COL5A1: variants seen among roughly 807,000 people sequenced by gnomAD.
COL5A1 encodes collagen alpha-1(V) chain.
A neutral mutation model predicts 263.7 loss-of-function variants in COL5A1; 16 were observed. That is an observed-to-expected ratio of 0.06 (90% CI 0.04 to 0.09). The LOEUF is 0.09. COL5A1 is among the 10% of genes least tolerant of loss of function. COL5A1 has a pLI of 1.00. For synonymous variants in COL5A1, 1,012 were observed against 1,004.5 expected (o/e 1.01, Z -0.14); for missense variants, 2,036 against 2,540.5 (o/e 0.80, Z 4.27).
intron 1 of COL5A1, among the ~76,000 whole-genome samples, chr9:134,683,098 CG>C (rs888393377): frequency 3.3e-5 from 5 of 152,122 alleles, no homozygotes; most frequent in African/African-American, 1.2e-4. Flanking sequence ...CTGTGAGGGC[CG>C]CCATGAGACG....
intron 11 of COL5A1, among the ~76,000 whole-genome samples, chr9:134,745,519 T>A (rs765357962): frequency 6.6e-6 from 1 of 152,110 alleles, no homozygotes; most frequent in Non-Finnish European, 1.5e-5. Flanking sequence ...AAAGAGCCCC[T>A]CCTGTGGATT....
rs373032507 is a variant in COL5A1, at chr9:134,823,043, A to G, written c.4644+10A>G. The G allele has an allele frequency of 5.0e-6, 8 of 1,613,802 alleles. No homozygotes were observed. The African/African-American group carries it at 9.3e-5, about 19-fold the overall frequency. Reference sequence around the variant, plus strand: ...TGCTAAGGGCTCCTCGGTAAGTAACATGCTGCCCAGCCAGGCCAATGCCTG... The same window carrying G: ...TGCTAAGGGCTCCTCGGTAAGTAACGTGCTGCCCAGCCAGGCCAATGCCTG... On this transcript the variant is annotated intron_variant, in intron 60 of 65. Transcript: ENST00000371817.
At chr9:134,697,665 G>A (rs1041331123) in intron 2 of COL5A1, among the ~76,000 whole-genome samples, 7 of 152,120 alleles carry the variant, frequency 4.6e-5, no homozygotes, top group African/African-American at 1.7e-4. Context: ...CAGGGATCAC[G>A]TGGGGCTGCC....
chr9:134,824,541 A>T, intron 61 of COL5A1, 59 bp from the exon 62 acceptor site: 3 of 1,606,922 alleles, frequency 1.9e-6, no homozygotes, highest in South Asian at 2.2e-5. Context: ...TGCTCTGCTC[A>T]TATCCTGGGA....
chr9:134,815,624 C>G lies in COL5A1; in HGVS notation c.4063C>G (p.Pro1355Ala), dbSNP rs1317324562. The G allele has an allele frequency of 6.2e-7, 1 of 1,613,568 alleles. No individual in the cohort carries two copies. The highest frequency in any genetic ancestry group is 8.5e-7 in the Non-Finnish European group (1 of 1,179,948). Residue 1355 changes from proline to alanine, a missense_variant, in exon 51 of 66, where the codon CCC (proline) becomes GCC (alanine). This residue lies in a region of COL5A1 where 1,078 missense variants were observed against 1,521.4 expected (regional missense o/e 0.71). Coordinates refer to ENST00000371817, the MANE Select transcript of COL5A1 (RefSeq NM_000093.5). ...TCCTGGCCCCCCCGGAGAGCCTGGC[C>G]CCGCGGTAGGTGCTCAAGAGGGCAA... ...GDPGPPGEPG[P>A]AGQDGPPGDK...
intron 1 of COL5A1, among the ~76,000 whole-genome samples, chr9:134,666,965 C>T (rs11103463): frequency 6.6e-6 from 1 of 152,228 alleles, no homozygotes; most frequent in Non-Finnish European, 1.5e-5. Flanking sequence ...GACCCCAGTG[C>T]TGATGACAGG....
chr9:134,698,702 G>A lies in COL5A1; in HGVS notation c.278-1207G>A, dbSNP rs935907537. ...CCTTGCCACAATTTCGCCAGCAGAG[G>A]GTGCTCATGGATAGCCGCCTTGCAG... On this transcript the variant is annotated intron_variant, in intron 2 of 65. Coordinates refer to ENST00000371817, the MANE Select transcript of COL5A1 (RefSeq NM_000093.5). Among the ~76,000 whole-genome samples, 4 of 152,374 alleles carry A rather than the reference G, an allele frequency of 2.6e-5. No individual in the cohort carries two copies. In the East Asian group the frequency reaches 7.7e-4, roughly 29 times the overall value.
rs549652867 is a variant in COL5A1 at position 134,711,199 on chromosome 9, G to A, written c.654+9866G>A. ...CCCTGTGGGCCTGCAGAGTCAGCTC[G>A]GAGGCCAGGTTGGCTCTGTTTCTCC... On this transcript the variant is annotated intron_variant, in intron 4 of 65. Transcript: ENST00000371817. 1.6e-4 allele frequency among the ~76,000 whole-genome samples: 25 copies of A among 152,212 alleles called. No homozygotes were observed. In the East Asian group the frequency reaches 3.3e-3, roughly 20 times the overall value.
intron 8 of COL5A1, 68 bp from the exon 9 acceptor site, chr9:134,732,003 T>G: frequency 6.4e-7 from 1 of 1,567,724 alleles, no homozygotes. Flanking sequence ...GCAGATTTTG[T>G]GTAATCTGGA....
At chr9:134,718,152 G>C (rs1203283976) in intron 4 of COL5A1, among the ~76,000 whole-genome samples, 2 of 152,224 alleles carry the variant, frequency 1.3e-5, no homozygotes, top group Non-Finnish European at 2.9e-5. Context: ...GGTCTCATTA[G>C]CAGAAAAGGC....
chr9:134,669,951 A>G (rs757540332), intron 1 of COL5A1, among the ~76,000 whole-genome samples: 8 of 152,236 alleles, frequency 5.3e-5, no homozygotes, highest in Non-Finnish European at 1.2e-4. Flanking sequence ...TCTTGACTCT[A>G]AAAGGAACGC....
chr9:134,828,603 T>A (rs1164513708), intron 63 of COL5A1, among the ~76,000 whole-genome samples: 1 of 3,858 alleles, frequency 2.6e-4, no homozygotes, highest in Non-Finnish European at 5.2e-4. Context: ...ATCACACAGA[T>A]ACACACCATA....
chr9:134,742,886 G>A lies in COL5A1; in HGVS notation c.1494+4078G>A, dbSNP rs143045177. 4.7e-3 allele frequency among the ~76,000 whole-genome samples: 720 copies of A among 152,328 alleles called. 6 individuals are homozygous for A. Among genetic ancestry groups the A allele is most frequent in the African/African-American group, 0.017 (706 of 41,580 alleles). The stretch of plus-strand genomic sequence containing the variant: ...AGCCCTTCCCTGGGCTCCTCGGGCA[G>A]GTGGGGGAAGGAGAGGGCTGGGGAC... On this transcript the variant is annotated intron_variant, in intron 11 of 65. Transcript: ENST00000371817. The surrounding 1 kb of genome is among the most constrained non-coding windows in gnomAD (Gnocchi z 4.6).
chr9:134,795,969 C>T (rs1416869394), intron 34 of COL5A1, among the ~76,000 whole-genome samples: 3 of 152,246 alleles, frequency 2.0e-5, no homozygotes, highest in African/African-American at 4.8e-5. Flanking sequence ...GGGCACTTCT[C>T]GTGTGCCCCG....
At chr9:134,658,767 G>C (rs1357727308) in intron 1 of COL5A1, among the ~76,000 whole-genome samples, 1 of 152,178 alleles carries the variant, frequency 6.6e-6, no homozygotes, top group Non-Finnish European at 1.5e-5. Flanking sequence ...GGAGGCTCTG[G>C]CTCCAGGCCT....
rs1833447802 is a variant in COL5A1, at chr9:134,696,011, C to T, written c.278-3898C>T. On this transcript the variant is annotated intron_variant, in intron 2 of 65. Coordinates refer to ENST00000371817, the MANE Select transcript of COL5A1 (RefSeq NM_000093.5). This position sits in a 1 kb window ranked among gnomAD's most constrained non-coding sequence, Gnocchi z 4.3. ...CTCTGCCCTGGGCCTGCCATGCTCC[C>T]CTTAGCCCGGCCCCTCCTGGGCTGC... Among the ~76,000 whole-genome samples, 1 of 152,140 alleles carries T rather than the reference C, an allele frequency of 6.6e-6. No homozygotes were observed. The highest frequency in any genetic ancestry group is 2.4e-5 in the African/African-American group (1 of 41,430).
In COL5A1 at chr9:134,760,369, A is replaced by ATG. The variant is rs1564440058; in HGVS notation, c.1936-1556_1936-1555insTG. Among the ~76,000 whole-genome samples the ATG allele has an allele frequency of 5.0e-3, 340 of 68,466 alleles. 7 individuals are homozygous for ATG. The highest frequency in any genetic ancestry group is 0.018 in the African/African-American group (218 of 12,180). The allele number at this position is 68,466 out of a possible 152,430, so 44.9% of individuals were successfully genotyped here. ...CCCACACACCCCCACACATACACAC[A>ATG]CACCACACATGCATACACACCCCCA... On this transcript the variant is annotated intron_variant, in intron 18 of 65. Coordinates refer to ENST00000371817, the MANE Select transcript of COL5A1 (RefSeq NM_000093.5).
chr9:134,652,630 A>C lies in COL5A1; in HGVS notation c.109+10334A>C. 2.1e-6 allele frequency: 1 copy of C among 468,680 alleles called. No individual in the cohort carries two copies. Among genetic ancestry groups the C allele is most frequent in the Non-Finnish European group, 4.4e-6 (1 of 225,648 alleles). The allele number at this position is 468,680 out of a possible 1,614,324, so 29.0% of individuals were successfully genotyped here. ...CCCCACAGTGCACGGGACAGCCCCC[A>C]CCAAAAAGACTGACCCAGCCCGGAG... On this transcript the variant is annotated intron_variant, in intron 1 of 65. Transcript: ENST00000371817. This position sits in a 1 kb window ranked among gnomAD's most constrained non-coding sequence, Gnocchi z 4.4.
At chr9:134,834,685 A>T (rs1839779713) in intron 64 of COL5A1, among the ~76,000 whole-genome samples, 1 of 152,156 alleles carries the variant, frequency 6.6e-6, no homozygotes, top group Non-Finnish European at 1.5e-5. Context: ...GGCTTCCTGG[A>T]GGAGGCAGCA....
Sources: gnomAD v4.1 joint callset for allele counts (sites outside exome capture counted in the v4.1 genomes callset) on GRCh38, gnomAD v4.1.1 for gene constraint, gnomAD v4.1.1 regional missense constraint, Gnocchi (gnomAD v3.1) non-coding constraint, MANE v1.5 for transcripts, NCBI Gene and HGNC (gene_info 2026-07-23, HGNC 2026-07-21) for gene names.